Variants in KCNC2 observed in about 807,000 individuals in gnomAD.
The protein encoded by KCNC2 is voltage-gated potassium channel KCNC2.
A neutral mutation model predicts 44.5 loss-of-function variants in KCNC2; 21 were observed. That is an observed-to-expected ratio of 0.47 (90% CI 0.33 to 0.68). The LOEUF (loss-of-function observed/expected upper bound fraction) is 0.68. Among genes scored for constraint, KCNC2 ranks in the 30% least tolerant of loss-of-function variants. The pLI, the probability that KCNC2 is intolerant of heterozygous loss-of-function variation, is 0.01. For missense variants in KCNC2, 589 were observed against 826.2 expected, an observed-to-expected ratio of 0.71 and a Z score of 3.52; for synonymous variants, 391 against 339.1, an observed-to-expected ratio of 1.15 and a Z score of -1.68.
intron 2 of KCNC2, among the ~76,000 whole-genome samples, chr12:75,108,287 C>G (rs1228724524): frequency 6.6e-6 from 1 of 152,158 alleles, no homozygotes; most frequent in East Asian, 1.9e-4. Context: ...CTTAACTTCT[C>G]TGATCTTTAG....
At chr12:75,047,851 A>G (rs533560024) in intron 4 of KCNC2, among the ~76,000 whole-genome samples, 1 of 152,250 alleles carries the variant, frequency 6.6e-6, no homozygotes, top group South Asian at 2.1e-4. Flanking sequence ...AGAGTACATT[A>G]TATTAAAGTA....
chr12:75,068,801 A>G (rs759108006), intron 2 of KCNC2, among the ~76,000 whole-genome samples: 1 of 152,224 alleles, frequency 6.6e-6, no homozygotes, highest in Non-Finnish European at 1.5e-5. Context: ...TGTTGAGCCC[A>G]GAACCAAACT....
chr12:75,065,766 G>A (rs537860942), intron 2 of KCNC2, among the ~76,000 whole-genome samples: 1 of 152,002 alleles, frequency 6.6e-6, no homozygotes, highest in African/African-American at 2.4e-5. Flanking sequence ...ATTACCTAAT[G>A]GTGCATTTCT....
intron 2 of KCNC2, among the ~76,000 whole-genome samples, chr12:75,104,684 G>A (rs2137198491): frequency 6.6e-6 from 1 of 152,164 alleles, no homozygotes; most frequent in Admixed American, 6.6e-5. Context: ...GTTCTAAATA[G>A]TTTTCAAATA....
At chr12:75,137,575 A>AT (rs558514692) in intron 2 of KCNC2, among the ~76,000 whole-genome samples, 50 of 152,286 alleles carry the variant, frequency 3.3e-4, no homozygotes, top group African/African-American at 1.1e-3. Context: ...TATAATTAAT[A>AT]TTTTGCCCCA....
chr12:75,074,476 C>G (rs1883731461), intron 2 of KCNC2, among the ~76,000 whole-genome samples: 1 of 152,042 alleles, frequency 6.6e-6, no homozygotes, highest in Non-Finnish European at 1.5e-5. Flanking sequence ...TTTCCTTGCC[C>G]TTTTAGAAAT....
At chr12:75,102,958 A>G (rs570560820) in intron 2 of KCNC2, among the ~76,000 whole-genome samples, 2 of 152,196 alleles carry the variant, frequency 1.3e-5, no homozygotes, top group East Asian at 3.9e-4. Flanking sequence ...AACTGTAACT[A>G]ATACTTTCCT....
chr12:75,199,397 C>T (rs192137898), intron 2 of KCNC2, among the ~76,000 whole-genome samples: 1 of 151,906 alleles, frequency 6.6e-6, no homozygotes, highest in African/African-American at 2.4e-5. Context: ...GATCAACTTT[C>T]AGGAAAGAAG....
At chr12:75,043,472 T>C (rs983067940) in intron 4 of KCNC2, 2 of 1,315,938 alleles carry the variant, frequency 1.5e-6, no homozygotes, top group Non-Finnish European at 2.0e-6. Context: ...TACTTCAAAA[T>C]ATATTTTTTC....
chr12:75,176,041 A>G (rs1892161004), intron 2 of KCNC2, among the ~76,000 whole-genome samples: 1 of 152,072 alleles, frequency 6.6e-6, no homozygotes, highest in African/African-American at 2.4e-5. Flanking sequence ...TTAAATTATT[A>G]GTAGAATTTG....
chr12:75,093,787 T>C (rs2137143392), intron 2 of KCNC2, among the ~76,000 whole-genome samples: 1 of 151,756 alleles, frequency 6.6e-6, no homozygotes, highest in East Asian at 1.9e-4. Context: ...ATATTAGGAC[T>C]AAAATCTTTA....
intron 2 of KCNC2, among the ~76,000 whole-genome samples, chr12:75,068,456 A>G (rs1258474900): frequency 1.3e-5 from 2 of 152,246 alleles, no homozygotes; most frequent in Non-Finnish European, 2.9e-5. Flanking sequence ...CACATTTCTG[A>G]GGTAAAACAG....
chr12:75,061,795 C>CA (rs1882369454), intron 2 of KCNC2, among the ~76,000 whole-genome samples: 1 of 152,008 alleles, frequency 6.6e-6, no homozygotes, highest in South Asian at 2.1e-4. Flanking sequence ...AGCAAGCCAT[C>CA]ATAACTACAT....
intron 2 of KCNC2, among the ~76,000 whole-genome samples, chr12:75,071,252 C>A (rs564834253): frequency 1.3e-5 from 2 of 152,198 alleles, no homozygotes; most frequent in Non-Finnish European, 2.9e-5. Flanking sequence ...GCATTAAAGA[C>A]GGCTTGGTAG....
intron 2 of KCNC2, among the ~76,000 whole-genome samples, chr12:75,194,609 G>C (rs2030596303): frequency 6.6e-6 from 1 of 152,174 alleles, no homozygotes; most frequent in East Asian, 1.9e-4. Context: ...AAGTGACGTG[G>C]AAACTCAGAG....
chr12:75,043,789 A>G, intron 4 of KCNC2: 2 of 1,509,514 alleles, frequency 1.3e-6, no homozygotes, highest in Non-Finnish European at 1.8e-6. Context: ...CAGGTGATGT[A>G]GGATGGAATG....
chr12:75,097,893 A>T (rs1249034669), intron 2 of KCNC2, among the ~76,000 whole-genome samples: 2 of 152,190 alleles, frequency 1.3e-5, no homozygotes, highest in Admixed American at 1.3e-4. Context: ...GAAATATTTA[A>T]AAACCCAATG....
chr12:75,053,765 A>G (rs1446585428), intron 2 of KCNC2, among the ~76,000 whole-genome samples: 2 of 147,538 alleles, frequency 1.4e-5, no homozygotes. Flanking sequence ...CATAATTTAT[A>G]TAATTAAATA....
intron 2 of KCNC2, among the ~76,000 whole-genome samples, chr12:75,061,953 G>A (rs1176744877): frequency 6.6e-6 from 1 of 151,970 alleles, no homozygotes; most frequent in African/African-American, 2.4e-5. Context: ...AGAGAAATTA[G>A]GAATAGCTTT....
Sources: allele counts gnomAD v4.1 joint callset (sites outside exome capture counted in the v4.1 genomes callset), GRCh38; gene constraint gnomAD v4.1.1; transcripts MANE v1.5; gene names NCBI Gene and HGNC (gene_info 2026-07-23, HGNC 2026-07-21).